PRKCE: variants seen among roughly 807,000 people sequenced by gnomAD.
The protein encoded by PRKCE is protein kinase C epsilon.
In PRKCE, 16 loss-of-function variants were observed where a neutral mutation model predicts 85.4. The ratio of observed to expected loss-of-function variants is 0.19; its 90% CI spans 0.13 to 0.28. The LOEUF is 0.28. PRKCE is among the 10% of genes least tolerant of loss of function. The probability of loss-of-function intolerance (pLI) is 1.00; values close to 1 mark genes in which losing one functional copy is unlikely to be tolerated. For missense variants in PRKCE, 573 were observed against 975.2 expected, an observed-to-expected ratio of 0.59 and a Z score of 5.49; for synonymous variants, 388 against 371.5, an observed-to-expected ratio of 1.04 and a Z score of -0.51.
chr2:45,806,508 C>T (rs1376882822), intron 1 of PRKCE, among the ~76,000 whole-genome samples: 2 of 152,190 alleles, frequency 1.3e-5, no homozygotes, highest in Non-Finnish European at 2.9e-5. Flanking sequence ...CATTGTTGTG[C>T]AGCCATCACC....
At chr2:45,747,310 C>T (rs1683219247) in intron 1 of PRKCE, among the ~76,000 whole-genome samples, 1 of 152,186 alleles carries the variant, frequency 6.6e-6, no homozygotes, top group African/African-American at 2.4e-5. Flanking sequence ...CTCTCCAGAA[C>T]TCTTTTACCT....
At chr2:45,953,574 A>G (rs1360076273) in intron 2 of PRKCE, among the ~76,000 whole-genome samples, 1 of 152,228 alleles carries the variant, frequency 6.6e-6, no homozygotes, top group Admixed American at 6.5e-5. Flanking sequence ...ATTCAGTGTC[A>G]CTGCTGAGTC....
chr2:45,872,110 A>G (rs1294512867), intron 2 of PRKCE, among the ~76,000 whole-genome samples: 1 of 152,172 alleles, frequency 6.6e-6, no homozygotes, highest in Non-Finnish European at 1.5e-5. Context: ...AGTTGTTAAT[A>G]ATTTATAACT....
intron 1 of PRKCE, among the ~76,000 whole-genome samples, chr2:45,768,526 T>C (rs537845430): frequency 6.6e-6 from 1 of 152,330 alleles, no homozygotes; most frequent in Admixed American, 6.5e-5. Flanking sequence ...CTCTGATAGT[T>C]GGCCAGGGGG....
chr2:45,662,981 CATCA>C (rs1324717098), intron 1 of PRKCE, among the ~76,000 whole-genome samples: 3 of 152,162 alleles, frequency 2.0e-5, no homozygotes, highest in Non-Finnish European at 4.4e-5. Context: ...CTGAGAGAAT[CATCA>C]ATCAGCCATT....
At position 45,917,985 on chromosome 2, in the gene PRKCE, C is replaced by T. The variant is rs539749895; in HGVS notation, c.413-58444C>T. Among the ~76,000 whole-genome samples the T allele has an allele frequency of 5.2e-3, 786 of 152,346 alleles. 2 individuals carry two copies. Among genetic ancestry groups the T allele is most frequent in the Non-Finnish European group, 9.2e-3 (626 of 68,018 alleles). ...TGCTCCGAGTGCGGGGCCCGCCAAGCCCACGCCCACCCGGAACTCTAGCTG... is the reference window on the plus strand; with the variant it reads ...TGCTCCGAGTGCGGGGCCCGCCAAGTCCACGCCCACCCGGAACTCTAGCTG... On this transcript the variant is annotated intron_variant, in intron 2 of 14. Transcript: ENST00000306156.
At chr2:46,085,740 TTTTTTTTTGTTTTTG>T (rs1310041079) in intron 10 of PRKCE, among the ~76,000 whole-genome samples, 1 of 16,216 alleles carries the variant, frequency 6.2e-5, no homozygotes, top group African/African-American at 1.6e-4. Flanking sequence ...AAATCCGTTT[TTTTTTTTTGTTTTTG>T]TTTTTTTTTT....
chr2:46,117,315 A>G (rs1369759349), intron 11 of PRKCE, among the ~76,000 whole-genome samples: 6 of 152,226 alleles, frequency 3.9e-5, no homozygotes, highest in Admixed American at 3.9e-4. Context: ...ATGCCTCTCT[A>G]GGTTTTTATT....
At chr2:45,987,717 T>C (rs1233057397) in intron 6 of PRKCE, among the ~76,000 whole-genome samples, 1 of 152,262 alleles carries the variant, frequency 6.6e-6, no homozygotes, top group African/African-American at 2.4e-5. Flanking sequence ...TTGAGCATTC[T>C]GTGGATTTGG....
At chr2:46,176,049 T>G (rs1558530856) in intron 14 of PRKCE, among the ~76,000 whole-genome samples, 1 of 152,116 alleles carries the variant, frequency 6.6e-6, no homozygotes, top group Non-Finnish European at 1.5e-5. Flanking sequence ...TGGCTGTGTT[T>G]GGTTTTTATG....
At chr2:45,755,662 G>C (rs1683941967) in intron 1 of PRKCE, among the ~76,000 whole-genome samples, 1 of 152,208 alleles carries the variant, frequency 6.6e-6, no homozygotes, top group Non-Finnish European at 1.5e-5. Flanking sequence ...TGCTGCATGA[G>C]GGCAGCGATT....
intron 1 of PRKCE, among the ~76,000 whole-genome samples, chr2:45,733,762 C>G (rs1400149732): frequency 6.6e-6 from 1 of 152,128 alleles, no homozygotes; most frequent in Non-Finnish European, 1.5e-5. Flanking sequence ...GTAGGAAGCG[C>G]TCGGGGCTTC....
intron 1 of PRKCE, among the ~76,000 whole-genome samples, chr2:45,794,371 G>C (rs1687258695): frequency 2.0e-5 from 3 of 152,100 alleles, no homozygotes; most frequent in African/African-American, 7.2e-5. Context: ...AGGGATTTTT[G>C]TTTTTGAAAA....
At chr2:46,033,429 G>A (rs537176961) in intron 10 of PRKCE, among the ~76,000 whole-genome samples, 2 of 152,188 alleles carry the variant, frequency 1.3e-5, no homozygotes, top group African/African-American at 4.8e-5. Flanking sequence ...TCATGGCAGG[G>A]TTCTTAAACA....
At chr2:46,089,663 G>C (rs999145439) in intron 11 of PRKCE, among the ~76,000 whole-genome samples, 1 of 152,198 alleles carries the variant, frequency 6.6e-6, no homozygotes, top group African/African-American at 2.4e-5. Context: ...CACAGGCCGC[G>C]GGTTGGGGAA....
chr2:45,814,053 C>G (rs1451958496), intron 1 of PRKCE, among the ~76,000 whole-genome samples: 4 of 152,168 alleles, frequency 2.6e-5, no homozygotes, highest in Non-Finnish European at 5.9e-5. Flanking sequence ...CCCCCCTCCC[C>G]CTCCCGCACA....
chr2:46,034,818 C>T lies in PRKCE; in HGVS notation c.1437+24301C>T, dbSNP rs544955536. Among the ~76,000 whole-genome samples the T allele has an allele frequency of 4.6e-4, 70 of 152,352 alleles. 1 individual carries two copies. Among genetic ancestry groups the T allele is most frequent in the Non-Finnish European group, 9.3e-4 (63 of 68,036 alleles). ...ATTATTTCTGGCATAGTGCCATGCA[C>T]GTATCAGAGGCCAAACAGTAGCCAG... On this transcript the variant is annotated intron_variant, in intron 10 of 14. Coordinates refer to ENST00000306156, the MANE Select transcript of PRKCE (RefSeq NM_005400.3).
intron 11 of PRKCE, among the ~76,000 whole-genome samples, chr2:46,105,449 CTTT>C (rs35214817): frequency 8.4e-5 from 12 of 143,292 alleles, no homozygotes; most frequent in East Asian, 4.0e-4. Context: ...TTTATCTTTC[CTTT>C]TTTTTTTTTT....
intron 2 of PRKCE, among the ~76,000 whole-genome samples, chr2:45,899,159 C>A (rs1696378926): frequency 6.6e-6 from 1 of 152,190 alleles, no homozygotes; most frequent in Non-Finnish European, 1.5e-5. Flanking sequence ...TGGCCTCATT[C>A]CCTAAGCCTG....
Sources: gnomAD v4.1 joint callset for allele counts (sites outside exome capture counted in the v4.1 genomes callset) on GRCh38, gnomAD v4.1.1 for gene constraint, MANE v1.5 for transcripts, NCBI Gene and HGNC (gene_info 2026-07-23, HGNC 2026-07-21) for gene names.